COLGALT1: variants seen among roughly 807,000 people sequenced by gnomAD.
COLGALT1 encodes the protein collagen beta(1-O)galactosyltransferase 1.
A neutral mutation model predicts 60.8 loss-of-function variants in COLGALT1; 43 were observed. The observed-to-expected ratio is 0.71, with a 90% CI of 0.55 to 0.91. The LOEUF (loss-of-function observed/expected upper bound fraction) is 0.91. COLGALT1 is among the 40% of genes least tolerant of loss of function. The pLI is 0.00. For missense variants in COLGALT1, 845 were observed against 880.0 expected (o/e 0.96, Z 0.50); for synonymous variants, 369 against 374.2 (o/e 0.99, Z 0.16).
intron 3 of COLGALT1, among the ~76,000 whole-genome samples, chr19:17,563,932 T>TA (rs1215835187): frequency 5.9e-5 from 9 of 151,736 alleles, no homozygotes; most frequent in South Asian, 2.1e-4. Context: ...TACTTGCAGG[T>TA]AAAAAAAATA....
chr19:17,560,334 C>T lies in COLGALT1; in HGVS notation c.372-14C>T, dbSNP rs200401981. ...GTGCCTTGTGATGTCCACATCACAG[C>T]TGCCTCCCCATAGGTCCTACCCGGA... On this transcript the variant is annotated splice_polypyrimidine_tract_variant and intron_variant, in intron 2 of 11. Transcript: ENST00000252599. The T allele has an allele frequency of 4.0e-5, 64 of 1,607,652 alleles. No homozygotes were observed. In the African/African-American group the frequency reaches 4.9e-4, roughly 12 times the overall value.
intron 10 of COLGALT1, chr19:17,580,327 G>C: frequency 3.1e-6 from 1 of 326,450 alleles, no homozygotes; most frequent in East Asian, 7.7e-5. Flanking sequence ...TGGGAACACT[G>C]CCCCATGTGA....
rs150637824 is a variant in COLGALT1, at chr19:17,579,490, C to A, written c.1275C>A (p.Asp425Glu). The change falls in exon 10 of 12, where the codon GAC (aspartate) becomes GAA (glutamate). Residue 425 changes from aspartate (D) to glutamate (E), a missense_variant. Transcript: ENST00000252599. ...GGGGCTTCCTCCCTCAGGTGGTGGACCGGGGGCTGCAGAAATCGCTTGTGT... is the reference window on the plus strand; with the variant it reads ...GGGGCTTCCTCCCTCAGGTGGTGGAACGGGGGCTGCAGAAATCGCTTGTGT... ...SHYNIWKEVV[D>E]RGLQKSLVFE... The A allele has an allele frequency of 3.0e-5, 48 of 1,613,864 alleles. No individual in the cohort carries two copies. Among genetic ancestry groups the A allele is most frequent in the Non-Finnish European group, 4.1e-5 (48 of 1,179,984 alleles).
Position 17,581,579 on chromosome 19 carries a change from T to G in COLGALT1, c.*135T>G. On this transcript the variant is annotated 3_prime_UTR_variant, in exon 12 of 12. Coordinates refer to ENST00000252599, the MANE Select transcript of COLGALT1 (RefSeq NM_024656.4). ...GTGTGGGGTGGTGTCCAGCCAGCTC[T>G]TGCTAAGCAATCACGTGCACACAGG... 4 of 1,186,380 alleles carry G rather than the reference T, an allele frequency of 3.4e-6. No individual in the cohort carries two copies. Among genetic ancestry groups the G allele is most frequent in the Non-Finnish European group, 3.5e-6 (3 of 867,990 alleles). The allele number at this position is 1,186,380 out of a possible 1,614,324, so 73.5% of individuals were successfully genotyped here. A position where few individuals can be genotyped will look rare whatever the true frequency, so the allele number is the denominator to read the frequency against.
chr19:17,577,016 G>T, intron 6 of COLGALT1, 179 bp from the exon 7 acceptor site: 1 of 426,012 alleles, frequency 2.3e-6, no homozygotes, highest in Admixed American at 3.7e-5. Flanking sequence ...GGGCTGCTGT[G>T]CAGGGTTCAA....
At chr19:17,561,625 C>CT (rs1474906469) in intron 3 of COLGALT1, among the ~76,000 whole-genome samples, 1 of 91,496 alleles carries the variant, frequency 1.1e-5, no homozygotes, top group Non-Finnish European at 1.9e-5. Context: ...GTATGAGACT[C>CT]TGTCTCAAAA....
At chr19:17,561,707 T>C (rs1251026601) in intron 3 of COLGALT1, among the ~76,000 whole-genome samples, 3 of 151,440 alleles carry the variant, frequency 2.0e-5, no homozygotes, top group African/African-American at 4.9e-5. Flanking sequence ...TATAAACTTA[T>C]GGAGCACAAG....
chr19:17,559,937 G>A (rs2076238353), intron 2 of COLGALT1, among the ~76,000 whole-genome samples: 1 of 152,120 alleles, frequency 6.6e-6, no homozygotes, highest in Non-Finnish European at 1.5e-5. Flanking sequence ...ACAGGCACAT[G>A]TAACCATGCC....
intron 1 of COLGALT1, among the ~76,000 whole-genome samples, chr19:17,558,900 T>C (rs984375458): frequency 4.6e-5 from 7 of 151,888 alleles, no homozygotes; most frequent in East Asian, 1.9e-4. Flanking sequence ...TGGCTCACGC[T>C]TGTTAAGTCC....
intron 10 of COLGALT1, among the ~76,000 whole-genome samples, 154 bp downstream of exon 10, chr19:17,579,763 A>C (rs1014964378): frequency 2.0e-5 from 3 of 151,812 alleles, no homozygotes; most frequent in African/African-American, 7.3e-5. Flanking sequence ...GCCTAGGTAC[A>C]TGGCCAGGGC....
chr19:17,564,333 CTA>C (rs1568474561), intron 3 of COLGALT1, among the ~76,000 whole-genome samples: 3 of 147,368 alleles, frequency 2.0e-5, no homozygotes, highest in Non-Finnish European at 3.0e-5. Flanking sequence ...GTATATATAT[CTA>C]TATATGTATA....
chr19:17,572,928 G>A (rs796565141), intron 6 of COLGALT1, among the ~76,000 whole-genome samples: 3 of 152,304 alleles, frequency 2.0e-5, no homozygotes, highest in African/African-American at 7.2e-5. Context: ...CGGGAGGCTG[G>A]AAGGGACGTG....
At chr19:17,572,749 G>A in intron 6 of COLGALT1, 147 bp downstream of exon 6, 1 of 1,207,918 alleles carries the variant, frequency 8.3e-7, no homozygotes, top group Non-Finnish European at 1.2e-6. Context: ...GTGTGAACGA[G>A]GTGGAGGGTT....
rs2076241025 is a variant in COLGALT1, at chr19:17,560,355, C to A, written c.379C>A (p.Pro127Thr). The change falls in exon 3 of 12, where the codon CCG becomes ACG. Residue 127 changes from proline to threonine, a missense_variant. Coordinates refer to ENST00000252599, the MANE Select transcript of COLGALT1 (RefSeq NM_024656.4). ...ACAGCTGCCTCCCCATAGGTCCTAC[C>A]CGGACGAGGAAGGCCCGAAACACTG... ...WRPAEEPRSY[P>T]DEEGPKHWSD... The A allele has an allele frequency of 6.2e-7, 1 of 1,613,800 alleles. No individual in the cohort carries two copies. The highest frequency in any genetic ancestry group is 1.1e-5 in the South Asian group (1 of 91,086).
Position 17,582,870 on chromosome 19 carries a change from C to G in COLGALT1, c.*1426C>G, listed in dbSNP as rs527965981. The G allele has an allele frequency of 1.3e-5, 2 of 152,490 alleles. No individual in the cohort carries two copies. Among genetic ancestry groups the G allele is most frequent in the South Asian group, 2.1e-4 (1 of 4,834 alleles). The allele number at this position is 152,490 out of a possible 1,614,324, so 9.4% of individuals were successfully genotyped here. A position where few individuals can be genotyped will look rare whatever the true frequency, so the allele number is the denominator to read the frequency against. ...GGGCTGGGTGTCCCTGGCCCACTCC[C>G]GGTCCCCTGTGCTTTACCTCCTTGC... On this transcript the variant is annotated 3_prime_UTR_variant, in exon 12 of 12. Coordinates refer to ENST00000252599, the MANE Select transcript of COLGALT1 (RefSeq NM_024656.4).
chr19:17,566,023 G>A (rs576555910), intron 3 of COLGALT1: 3 of 152,166 alleles, frequency 2.0e-5, no homozygotes, highest in African/African-American at 4.8e-5. Flanking sequence ...TATTCTAAAC[G>A]ATACTGCCTG....
intron 9 of COLGALT1, among the ~76,000 whole-genome samples, chr19:17,578,856 CA>C (rs1227722982): frequency 6.6e-6 from 1 of 152,062 alleles, no homozygotes; most frequent in African/African-American, 2.4e-5. Flanking sequence ...ACTAAAAATA[CA>C]AAAATTATCT....
At chr19:17,567,584 G>C in intron 4 of COLGALT1, 44 bp downstream of exon 4, 1 of 1,589,932 alleles carries the variant, frequency 6.3e-7, no homozygotes, top group Non-Finnish European at 8.6e-7. Flanking sequence ...GCTGAGCAGG[G>C]GGGTGCCGTG....
In COLGALT1 at chr19:17,577,943, C is replaced by T. The variant is rs754440683; in HGVS notation, c.1134-14C>T. The T allele has an allele frequency of 5.0e-6, 8 of 1,596,682 alleles. 1 individual carries two copies. The East Asian group carries it at 9.0e-5, about 18-fold the overall frequency. Reference sequence around the variant, plus strand: ...GGTGAACCTTCTTCGTGACCCTCTCCTCCTCCTCTCCAGAGCCATGAACAC... The same window carrying T: ...GGTGAACCTTCTTCGTGACCCTCTCTTCCTCCTCTCCAGAGCCATGAACAC... On this transcript the variant is annotated splice_polypyrimidine_tract_variant and intron_variant, in intron 8 of 11. Coordinates refer to ENST00000252599, the MANE Select transcript of COLGALT1 (RefSeq NM_024656.4).
Sources: allele counts gnomAD v4.1 joint callset (sites outside exome capture counted in the v4.1 genomes callset), GRCh38; gene constraint gnomAD v4.1.1; transcripts MANE v1.5; gene names NCBI Gene and HGNC (gene_info 2026-07-23, HGNC 2026-07-21).